The following NYAP2 variants were observed in gnomAD, a reference collection of about 807,000 sequenced individuals.
NYAP2 encodes neuronal tyrosine-phosphorylated phosphoinositide-3-kinase adapter 2.
A neutral mutation model predicts 50.4 loss-of-function variants in NYAP2; 23 were observed. The observed-to-expected ratio is 0.46, with a 90% CI of 0.33 to 0.65. The LOEUF (loss-of-function observed/expected upper bound fraction) is 0.65. NYAP2 is among the 30% of genes least tolerant of loss of function. The pLI, the probability that NYAP2 is intolerant of heterozygous loss-of-function variation, is 0.02. For missense variants in NYAP2, 885 were observed against 861.0 expected, an observed-to-expected ratio of 1.03 and a Z score of -0.35; for synonymous variants, 394 against 365.2, an observed-to-expected ratio of 1.08 and a Z score of -0.90.
chr2:225,551,864 G>A (rs1241427259), intron 4 of NYAP2, among the ~76,000 whole-genome samples: 1 of 152,182 alleles, frequency 6.6e-6, no homozygotes, highest in Non-Finnish European at 1.5e-5. Context: ...CTAGGCTGGA[G>A]CGCAGTGGTG....
At chr2:225,688,689 T>A in the NYAP2 span, among the ~76,000 whole-genome samples, 1 of 152,242 alleles carries the variant, frequency 6.6e-6, no homozygotes. Flanking sequence ...CACATCATCT[T>A]ATCCATTTTA....
At chr2:225,673,593 A>G in the NYAP2 span, among the ~76,000 whole-genome samples, 1 of 152,098 alleles carries the variant, frequency 6.6e-6, no homozygotes, top group Admixed American at 6.6e-5. Context: ...TACAAACTAC[A>G]CTTTTTAAAT....
intron 4 of NYAP2, among the ~76,000 whole-genome samples, chr2:225,577,725 C>G (rs960603099): frequency 2.0e-5 from 3 of 151,100 alleles, no homozygotes; most frequent in Admixed American, 6.6e-5. Context: ...CTCAAAGAAC[C>G]ATGATTTACC....
At chr2:225,530,454 A>G (rs1319174944) in intron 4 of NYAP2, among the ~76,000 whole-genome samples, 2 of 152,162 alleles carry the variant, frequency 1.3e-5, no homozygotes, top group Non-Finnish European at 2.9e-5. Flanking sequence ...ATCCTTTGGT[A>G]TGTCTCTTCA....
intron 4 of NYAP2, among the ~76,000 whole-genome samples, chr2:225,529,431 A>C (rs2106196055): frequency 6.6e-6 from 1 of 151,902 alleles, no homozygotes; most frequent in South Asian, 2.1e-4. Context: ...GGTTGAAGCC[A>C]TTCTCTGCCT....
the NYAP2 span, among the ~76,000 whole-genome samples, chr2:225,687,401 A>C: frequency 1.3e-5 from 2 of 152,176 alleles, no homozygotes; most frequent in African/African-American, 4.8e-5. Flanking sequence ...TAGAAGGTGC[A>C]TATAACTTGC....
chr2:225,649,015 G>A (rs1693685391), intron 6 of NYAP2, among the ~76,000 whole-genome samples: 1 of 152,172 alleles, frequency 6.6e-6, no homozygotes, highest in Non-Finnish European at 1.5e-5. Context: ...TCATTTTCCA[G>A]AAAGAGAATG....
At chr2:225,485,212 A>G (rs896050256) in intron 3 of NYAP2, among the ~76,000 whole-genome samples, 1 of 152,176 alleles carries the variant, frequency 6.6e-6, no homozygotes, top group African/African-American at 2.4e-5. Flanking sequence ...GTTCCCCTGC[A>G]CAAGCTCTTT....
At chr2:225,590,224 C>T (rs1692473788) in intron 5 of NYAP2, among the ~76,000 whole-genome samples, 1 of 152,194 alleles carries the variant, frequency 6.6e-6, no homozygotes, top group Non-Finnish European at 1.5e-5. Flanking sequence ...CTCCTGTGGC[C>T]TCAGACTGGC....
At chr2:225,522,436 A>G (rs1172019376) in intron 4 of NYAP2, among the ~76,000 whole-genome samples, 1 of 152,140 alleles carries the variant, frequency 6.6e-6, no homozygotes, top group Non-Finnish European at 1.5e-5. Context: ...GATACCTGCT[A>G]CAATATTTGC....
rs1692289171 is a variant in NYAP2, at chr2:225,582,218, C to T, written c.801C>T (p.Val267=). The change falls in exon 5 of 7, where the codon GTC becomes GTT. Residue 267 remains valine, a synonymous_variant. Transcript: ENST00000636099. The surrounding 1 kb of genome is among the most constrained non-coding windows in gnomAD (Gnocchi z 7.0). Reference sequence around the variant, plus strand: ...AGGACGATGACCAGAGCGAGGCCGTCTACGAGGAAATGAAGTACCCTATCT... The same window carrying T: ...AGGACGATGACCAGAGCGAGGCCGTTTACGAGGAAATGAAGTACCCTATCT... 1 of 1,614,036 alleles carries T rather than the reference C, an allele frequency of 6.2e-7. No homozygotes were observed. The highest frequency in any genetic ancestry group is 8.5e-7 in the Non-Finnish European group (1 of 1,179,902).
At chr2:225,519,541 G>T (rs969349976) in intron 4 of NYAP2, among the ~76,000 whole-genome samples, 2 of 151,114 alleles carry the variant, frequency 1.3e-5, no homozygotes, top group Non-Finnish European at 2.9e-5. Context: ...TTGTTCTTGC[G>T]ATAGTTTACT....
intron 6 of NYAP2, among the ~76,000 whole-genome samples, chr2:225,635,651 ATGTATGCTTCAT>A (rs1693400864): frequency 6.6e-6 from 1 of 152,226 alleles, no homozygotes; most frequent in African/African-American, 2.4e-5. Flanking sequence ...TAGTGCGACA[ATGTATGCTTCAT>A]TGACTTGTGC....
At chr2:225,484,768 C>A (rs1038990376) in intron 3 of NYAP2, among the ~76,000 whole-genome samples, 2 of 152,220 alleles carry the variant, frequency 1.3e-5, no homozygotes, top group African/African-American at 4.8e-5. Flanking sequence ...TACTTGAACA[C>A]GTGCTTTGAA....
intron 4 of NYAP2, among the ~76,000 whole-genome samples, chr2:225,567,465 G>C (rs1291774171): frequency 6.6e-6 from 1 of 152,170 alleles, no homozygotes; most frequent in South Asian, 2.1e-4. Flanking sequence ...GCAAGTTGCT[G>C]TGTACAGTTT....
intron 3 of NYAP2, among the ~76,000 whole-genome samples, chr2:225,489,115 A>G (rs1449806794): frequency 6.6e-6 from 1 of 152,178 alleles, no homozygotes; most frequent in African/African-American, 2.4e-5. Flanking sequence ...CAAAGTCTGC[A>G]TCGTACTTAT....
intron 4 of NYAP2, among the ~76,000 whole-genome samples, chr2:225,534,831 A>G (rs1484101572): frequency 1.3e-5 from 2 of 152,238 alleles, no homozygotes; most frequent in Non-Finnish European, 1.5e-5. Context: ...AGCAGCCACT[A>G]ACTCCCAGGG....
chr2:225,509,082 T>A (rs1480335963), intron 3 of NYAP2, among the ~76,000 whole-genome samples: 3 of 152,154 alleles, frequency 2.0e-5, no homozygotes, highest in Non-Finnish European at 4.4e-5. Flanking sequence ...TACGACTGGT[T>A]CTCGTCATCT....
At chr2:225,562,693 T>C (rs1365067536) in intron 4 of NYAP2, among the ~76,000 whole-genome samples, 4 of 152,138 alleles carry the variant, frequency 2.6e-5, no homozygotes, top group African/African-American at 9.7e-5. Context: ...GCACTTGTTC[T>C]GTATAGTTTG....
Sources: allele counts gnomAD v4.1 joint callset (sites outside exome capture counted in the v4.1 genomes callset), GRCh38; gene constraint gnomAD v4.1.1; non-coding constraint Gnocchi (gnomAD v3.1); transcripts MANE v1.5; gene names NCBI Gene and HGNC (gene_info 2026-07-23, HGNC 2026-07-21).